Variants in ASZ1 observed in about 807,000 individuals in gnomAD.
ASZ1 encodes the protein ankyrin repeat, SAM and basic leucine zipper domain containing 1, also known as ankyrin repeat, SAM and basic leucine zipper domain-containing protein 1.
In ASZ1, 67 loss-of-function variants were observed where a neutral mutation model predicts 61.8. The observed-to-expected ratio is 1.08, with a 90% confidence interval of 0.89 to 1.33. The LOEUF is 1.33. ASZ1 is among the 40% of genes most tolerant of loss of function. ASZ1 has a pLI of 0.00. For missense variants in ASZ1, 577 were observed against 554.5 expected (o/e 1.04, Z -0.41); for synonymous variants, 193 against 192.7 (o/e 1.00, Z -0.01).
chr7:117,416,912 C>A (rs1275790778), intron 4 of ASZ1, among the ~76,000 whole-genome samples: 1 of 152,180 alleles, frequency 6.6e-6, no homozygotes, highest in Non-Finnish European at 1.5e-5. Context: ...GTAGTGCAAA[C>A]AGAACCAAGT....
intron 4 of ASZ1, among the ~76,000 whole-genome samples, chr7:117,401,410 C>T (rs1346131335): frequency 1.4e-5 from 2 of 147,516 alleles, no homozygotes; most frequent in African/African-American, 2.5e-5. Context: ...AAAAGACCAA[C>T]AGAAAATATT....
At chr7:117,370,055 G>A (rs552403884) in intron 10 of ASZ1, among the ~76,000 whole-genome samples, 2 of 152,092 alleles carry the variant, frequency 1.3e-5, no homozygotes, top group Non-Finnish European at 2.9e-5. Context: ...GGAGACATGC[G>A]GGTGGCAACA....
intron 12 of ASZ1, among the ~76,000 whole-genome samples, 153 bp from the exon 13 acceptor site, chr7:117,363,901 A>T (rs1034466623): frequency 6.6e-6 from 1 of 152,176 alleles, no homozygotes; most frequent in Non-Finnish European, 1.5e-5. Flanking sequence ...ATTTAAAGTA[A>T]ACATATATGT....
At position 117,379,958 on chromosome 7, in the gene ASZ1, T is replaced by C. The variant is rs748440548; in HGVS notation, c.1035A>G (p.Glu345=). 6.3e-7 allele frequency: 1 copy of C among 1,599,256 alleles called. No individual in the cohort carries two copies. The highest frequency in any genetic ancestry group is 1.1e-5 in the South Asian group (1 of 90,202). ...VEEIQFGELS[E]ETKLEISGDE... ...TTTACCTGATTTCCAACTTTGTCTC[T>C]TCAGATAGCTCTCCAAATTGTATCT... The change falls in exon 10 of 13, where the codon GAA becomes GAG. Residue 345 remains glutamate (E), a synonymous_variant. Coordinates refer to ENST00000284629, the MANE Select transcript of ASZ1 (RefSeq NM_130768.3).
chr7:117,366,290 T>A (rs1258066555), intron 12 of ASZ1, among the ~76,000 whole-genome samples: 1 of 152,086 alleles, frequency 6.6e-6, no homozygotes, highest in Non-Finnish European at 1.5e-5. Context: ...AGACTCCTTT[T>A]GATTTAACAC....
In ASZ1 at chr7:117,381,073, T is replaced by C; in HGVS notation, c.889-6A>G. The C allele has an allele frequency of 6.4e-7, 1 of 1,557,512 alleles. No homozygotes were observed. Among genetic ancestry groups the C allele is most frequent in the Non-Finnish European group, 8.7e-7 (1 of 1,151,374 alleles). On this transcript the variant is annotated splice_polypyrimidine_tract_variant and splice_region_variant and intron_variant, in intron 8 of 12. Transcript: ENST00000284629. ...CTTAACGTTATATCCCTTTCCTGTA[T>C]AAAAGGAAAAAAAGGCCACCTTTCC...
intron 4 of ASZ1, among the ~76,000 whole-genome samples, chr7:117,394,659 T>C (rs865938135): frequency 7.9e-5 from 12 of 152,310 alleles, no homozygotes; most frequent in Middle Eastern, 3.4e-3. Context: ...AATTATTATT[T>C]GACAGATGTT....
In ASZ1 at chr7:117,363,723, G is replaced by A; in HGVS notation, c.1301C>T (p.Pro434Leu). 1.3e-6 allele frequency: 2 copies of A among 1,580,680 alleles called. No individual in the cohort carries two copies. Among genetic ancestry groups the A allele is most frequent in the South Asian group, 1.2e-5 (1 of 84,556 alleles). The change falls in exon 13 of 13, where the codon CCA becomes CTA. Residue 434 changes from proline (P) to leucine (L), a missense_variant. Coordinates refer to ENST00000284629, the MANE Select transcript of ASZ1 (RefSeq NM_130768.3). ...QKLQNEREND[P>L]THIQLREEVS... is the part of the protein sequence containing the mutation. ...TTCTTCCCTTAATTGTATATGAGTTGGATCATTTTCCCGTTCATTTTGCAA... is the reference window on the plus strand; with the variant it reads ...TTCTTCCCTTAATTGTATATGAGTTAGATCATTTTCCCGTTCATTTTGCAA...
intron 3 of ASZ1, 120 bp downstream of exon 3, chr7:117,422,117 G>T: frequency 9.4e-7 from 1 of 1,064,608 alleles, no homozygotes; most frequent in Non-Finnish European, 1.3e-6. Context: ...TATTTACATA[G>T]TATAATGAAT....
intron 10 of ASZ1, among the ~76,000 whole-genome samples, chr7:117,373,452 G>A (rs965494127): frequency 1.3e-5 from 2 of 152,164 alleles, no homozygotes; most frequent in African/African-American, 4.8e-5. Context: ...TGTTGTAACA[G>A]ATTATTTTAG....
intron 12 of ASZ1, among the ~76,000 whole-genome samples, 186 bp downstream of exon 12, chr7:117,367,166 C>A (rs1010944817): frequency 6.6e-6 from 1 of 152,114 alleles, no homozygotes; most frequent in South Asian, 2.1e-4. Flanking sequence ...TCTTTTAGTA[C>A]GCATTTGCTT....
At chr7:117,399,509 G>A (rs772207489) in intron 4 of ASZ1, among the ~76,000 whole-genome samples, 4 of 152,084 alleles carry the variant, frequency 2.6e-5, no homozygotes, top group Admixed American at 1.3e-4. Flanking sequence ...AACTCTTAGC[G>A]TTTAGCATGT....
intron 5 of ASZ1, 146 bp from the exon 6 acceptor site, chr7:117,385,006 T>C: frequency 1.3e-6 from 1 of 764,302 alleles, no homozygotes; most frequent in South Asian, 3.2e-5. Flanking sequence ...TTTTACAATA[T>C]AATGTAAACA....
chr7:117,376,887 T>A (rs1031965336), intron 10 of ASZ1, among the ~76,000 whole-genome samples: 1 of 152,026 alleles, frequency 6.6e-6, no homozygotes, highest in African/African-American at 2.4e-5. Flanking sequence ...GGCAAGAATG[T>A]CCACTATCTA....
intron 4 of ASZ1, among the ~76,000 whole-genome samples, chr7:117,409,239 G>A (rs955227614): frequency 1.3e-5 from 2 of 151,652 alleles, no homozygotes; most frequent in Non-Finnish European, 3.0e-5. Flanking sequence ...CAATAATTAG[G>A]CAAAACATGG....
At chr7:117,378,154 T>C (rs1386760379) in intron 10 of ASZ1, among the ~76,000 whole-genome samples, 2 of 152,106 alleles carry the variant, frequency 1.3e-5, no homozygotes, top group Non-Finnish European at 2.9e-5. Context: ...ACTAAAAATA[T>C]GCCAAAAGTA....
chr7:117,381,238 G>A (rs954404060), intron 8 of ASZ1, among the ~76,000 whole-genome samples, 171 bp from the exon 9 acceptor site: 1 of 151,936 alleles, frequency 6.6e-6, no homozygotes, highest in African/African-American at 2.4e-5. Flanking sequence ...ACAGTAATGA[G>A]TATCATAATA....
Position 117,426,883 on chromosome 7 carries a change from G to T in ASZ1, c.158C>A (p.Ala53Glu), listed in dbSNP as rs745743426. The change falls in exon 2 of 13, where the codon GCA (alanine) becomes GAA (glutamate). Residue 53 changes from alanine to glutamate, a missense_variant. Transcript: ENST00000284629. ...CAATGAAACATCTCCGATGGTCATTGCTTTCTTAAATTTTTCTTTCTTTTC... is the reference window on the plus strand; with the variant it reads ...CAATGAAACATCTCCGATGGTCATTTCTTTCTTAAATTTTTCTTTCTTTTC... The part of the protein sequence containing the change: ...IEEKKEKFKK[A>E]MTIGDVSLVQ... 2 of 1,613,160 alleles carry T rather than the reference G, an allele frequency of 1.2e-6. No homozygotes were observed. The highest frequency in any genetic ancestry group is 2.2e-5 in the East Asian group (1 of 44,858).
At chr7:117,395,891 G>A (rs1796567825) in intron 4 of ASZ1, among the ~76,000 whole-genome samples, 1 of 152,124 alleles carries the variant, frequency 6.6e-6, no homozygotes, top group Non-Finnish European at 1.5e-5. Flanking sequence ...GATGCATGCA[G>A]GGATTTGTTA....
Sources: gnomAD v4.1 joint callset for allele counts (sites outside exome capture counted in the v4.1 genomes callset) on GRCh38, gnomAD v4.1.1 for gene constraint, MANE v1.5 for transcripts, NCBI Gene and HGNC (gene_info 2026-07-23, HGNC 2026-07-21) for gene names.